The following ALK variants were observed in gnomAD, a reference collection of about 807,000 sequenced individuals.
The protein encoded by ALK is ALK tyrosine kinase receptor.
In ALK, 74 loss-of-function variants were observed where a neutral mutation model predicts 163.1. That is an observed-to-expected ratio of 0.45 (90% CI 0.38 to 0.55). The LOEUF is 0.55. Ranked by LOEUF, ALK falls within the 20% of genes least tolerant of loss-of-function variation. ALK has a pLI of 0.00. For missense variants in ALK, 2,063 were observed against 2,105.3 expected, an observed-to-expected ratio of 0.98 and a Z score of 0.39; for synonymous variants, 960 against 843.2, an observed-to-expected ratio of 1.14 and a Z score of -2.40.
At position 29,296,722 on chromosome 2, in the gene ALK, AGTGT is replaced by A. The variant is rs3054024; in HGVS notation, c.1817+162_1817+165del. 5.1e-3 allele frequency among the ~76,000 whole-genome samples: 762 copies of A among 150,476 alleles called. 2 individuals carry two copies. Among genetic ancestry groups the A allele is most frequent in the Non-Finnish European group, 7.7e-3 (517 of 67,484 alleles). On this transcript the variant is annotated intron_variant, in intron 9 of 28. Transcript: ENST00000389048. ...ACTGCAGAAAGTGTGTAACCTGCAG[AGTGT>A]GTGTGTGTGTGTGTGCACGTGCGTG...
intron 1 of ALK, among the ~76,000 whole-genome samples, chr2:29,743,661 T>G (rs1680124238): frequency 6.6e-6 from 1 of 152,182 alleles, no homozygotes; most frequent in Non-Finnish European, 1.5e-5. Context: ...ACTGAAATGA[T>G]AAAACACACA....
In ALK at chr2:29,246,586, G is replaced by T. The variant is rs1334538580; in HGVS notation, c.2204+4519C>A. On this transcript the variant is annotated intron_variant, in intron 12 of 28. Transcript: ENST00000389048. The surrounding 1 kb of genome is among the most constrained non-coding windows in gnomAD (Gnocchi z 4.3). ...GCCTTGCCTGTTCTCAGCCAAGCTCGTGGGAGAGTGGCTGCGCTCCTTTGT... is the reference window on the plus strand; with the variant it reads ...GCCTTGCCTGTTCTCAGCCAAGCTCTTGGGAGAGTGGCTGCGCTCCTTTGT... Among the ~76,000 whole-genome samples, 4 of 152,198 alleles carry T rather than the reference G, an allele frequency of 2.6e-5. No homozygotes were observed. The highest frequency in any genetic ancestry group is 4.8e-5 in the African/African-American group (2 of 41,440).
At chr2:29,496,912 C>T (rs1191238116) in intron 4 of ALK, among the ~76,000 whole-genome samples, 1 of 152,176 alleles carries the variant, frequency 6.6e-6, no homozygotes, top group Non-Finnish European at 1.5e-5. Context: ...ATAGTGAATC[C>T]ACAGCACCTG....
rs1230520110 is a variant in ALK at position 29,909,472 on chromosome 2, C to T, written c.667+10521G>A. On this transcript the variant is annotated intron_variant, in intron 1 of 28. Coordinates refer to ENST00000389048, the MANE Select transcript of ALK (RefSeq NM_004304.5). ...ACACACATACACACACAGAGAGAGACAGACAGACAGAGAGAGAGAGAGAGA... is the reference window on the plus strand; with the variant it reads ...ACACACATACACACACAGAGAGAGATAGACAGACAGAGAGAGAGAGAGAGA... Among the ~76,000 whole-genome samples, 3 of 120,958 alleles carry T rather than the reference C, an allele frequency of 2.5e-5. No individual in the cohort carries two copies. In the Admixed American group the frequency reaches 2.6e-4, roughly 10 times the overall value. 79.4% of individuals were successfully genotyped at this position (120,958 alleles called of 152,430 possible). A position where few individuals can be genotyped will look rare whatever the true frequency, so the allele number is the denominator to read the frequency against.
chr2:29,388,047 T>C (rs1403934533), intron 4 of ALK, among the ~76,000 whole-genome samples: 2 of 152,160 alleles, frequency 1.3e-5, no homozygotes, highest in Non-Finnish European at 2.9e-5. Context: ...GATAGTGAAA[T>C]ACTTTGTCAG....
At chr2:29,354,798 G>A (rs949996197) in intron 5 of ALK, among the ~76,000 whole-genome samples, 1 of 140,000 alleles carries the variant, frequency 7.1e-6, no homozygotes, top group Non-Finnish European at 1.5e-5. Context: ...ATGGAGTCTC[G>A]CTCTGTCACC....
chr2:29,309,845 C>A (rs1040149952), intron 8 of ALK, among the ~76,000 whole-genome samples: 5 of 152,174 alleles, frequency 3.3e-5, no homozygotes, highest in African/African-American at 1.2e-4. Flanking sequence ...CGCTCCCGAC[C>A]TGCCCACGTG....
chr2:29,256,791 G>A (rs1333048012), intron 11 of ALK, among the ~76,000 whole-genome samples: 1 of 152,130 alleles, frequency 6.6e-6, no homozygotes, highest in Non-Finnish European at 1.5e-5. Flanking sequence ...GGCCCCCGCA[G>A]TCGCTTAGCC....
chr2:29,771,838 C>T (rs1301221081), intron 1 of ALK, among the ~76,000 whole-genome samples: 1 of 152,122 alleles, frequency 6.6e-6, no homozygotes, highest in Non-Finnish European at 1.5e-5. Context: ...CCAGCCTGCA[C>T]CCTGGAATTC....
At chr2:29,645,356 G>A (rs1676841498) in intron 3 of ALK, among the ~76,000 whole-genome samples, 1 of 152,136 alleles carries the variant, frequency 6.6e-6, no homozygotes, top group African/African-American at 2.4e-5. Context: ...TGTGTATTCA[G>A]TTGTTTTCAA....
intron 4 of ALK, among the ~76,000 whole-genome samples, chr2:29,409,812 A>C (rs989425325): frequency 1.3e-5 from 2 of 151,988 alleles, no homozygotes; most frequent in African/African-American, 4.8e-5. Flanking sequence ...CCCCAGACTT[A>C]TTCTGCTCCT....
intron 4 of ALK, among the ~76,000 whole-genome samples, chr2:29,483,529 T>G (rs1382639547): frequency 6.6e-6 from 1 of 152,262 alleles, no homozygotes; most frequent in African/African-American, 2.4e-5. Context: ...ATGATTCATG[T>G]GCACATCCAA....
chr2:29,485,341 T>C (rs915221609), intron 4 of ALK, among the ~76,000 whole-genome samples: 6 of 152,242 alleles, frequency 3.9e-5, no homozygotes, highest in African/African-American at 1.4e-4. Context: ...AAGACTTATT[T>C]TTAATTCATT....
chr2:29,193,424 G>GT lies in ALK; in HGVS notation c.4662dup (p.Leu1555ThrfsTer60). On this transcript the variant is annotated frameshift_variant, in exon 29 of 29. Coordinates refer to ENST00000389048, the MANE Select transcript of ALK (RefSeq NM_004304.5). LOFTEE classifies it high-confidence loss of function. The stretch of plus-strand genomic sequence containing the variant: ...GTCAGCGAAGAGGGCTCTAGGAGCA[G>GT]TGAGGCCCCCGGAAGTCTCCCAGTT... 6.2e-7 allele frequency: 1 copy of GT among 1,614,238 alleles called. No homozygotes were observed. Among genetic ancestry groups the GT allele is most frequent in the Non-Finnish European group, 8.5e-7 (1 of 1,180,048 alleles).
intron 12 of ALK, among the ~76,000 whole-genome samples, chr2:29,248,944 C>T (rs918391051): frequency 6.6e-6 from 1 of 152,252 alleles, no homozygotes; most frequent in African/African-American, 2.4e-5. Context: ...GAAACACTGC[C>T]TGCCTGCTGC....
chr2:29,775,765 T>C (rs1319794264), intron 1 of ALK, among the ~76,000 whole-genome samples: 1 of 152,150 alleles, frequency 6.6e-6, no homozygotes, highest in Non-Finnish European at 1.5e-5. Flanking sequence ...TGAGGATTAA[T>C]ATAAGTAAAG....
intron 4 of ALK, among the ~76,000 whole-genome samples, chr2:29,460,466 T>TA (rs988486699): frequency 3.8e-4 from 58 of 152,200 alleles, no homozygotes; most frequent in African/African-American, 1.3e-3. Flanking sequence ...CTGCATAGAG[T>TA]AAGTCTATTG....
chr2:29,423,702 A>G (rs1192995136), intron 4 of ALK, among the ~76,000 whole-genome samples: 2 of 152,220 alleles, frequency 1.3e-5, no homozygotes, highest in East Asian at 1.9e-4. Flanking sequence ...CCTACTTAAG[A>G]CAGAAAAATT....
intron 9 of ALK, among the ~76,000 whole-genome samples, chr2:29,296,347 G>A (rs980584199): frequency 3.9e-5 from 6 of 152,136 alleles, no homozygotes; most frequent in East Asian, 1.9e-4. Flanking sequence ...ACTCGGAGTC[G>A]GGCCTGGGCA....
Sources: gnomAD v4.1 joint callset for allele counts (sites outside exome capture counted in the v4.1 genomes callset) on GRCh38, gnomAD v4.1.1 for gene constraint, Gnocchi (gnomAD v3.1) non-coding constraint, MANE v1.5 for transcripts, NCBI Gene and HGNC (gene_info 2026-07-23, HGNC 2026-07-21) for gene names.